SVIL: variants seen among roughly 807,000 people sequenced by gnomAD.
SVIL encodes archvillin.
SVIL carries 101 observed loss-of-function variants against 240.4 expected under a neutral mutation model. The observed-to-expected ratio is 0.42, with a 90% CI of 0.36 to 0.50. SVIL has a LOEUF of 0.50. SVIL is among the 20% of genes least tolerant of loss of function. The pLI, the probability that SVIL is intolerant of heterozygous loss-of-function variation, is 0.01. For missense variants in SVIL, 2,512 were observed against 2,818.7 expected (o/e 0.89, Z 2.46); for synonymous variants, 999 against 1,100.0 (o/e 0.91, Z 1.82).
At chr10:29,504,595 A>G (rs1949130288) in intron 17 of SVIL, among the ~76,000 whole-genome samples, 3 of 152,244 alleles carry the variant, frequency 2.0e-5, no homozygotes, top group East Asian at 1.9e-4. Context: ...AATATGCTCA[A>G]CATCATATCT....
chr10:29,593,901 AG>A (rs1956481878), intron 1 of SVIL, among the ~76,000 whole-genome samples: 1 of 152,070 alleles, frequency 6.6e-6, no homozygotes, highest in Admixed American at 6.6e-5. Context: ...TAAGCAGATC[AG>A]TGGTTCTCTG....
chr10:29,614,679 G>C (rs1179058886), intron 1 of SVIL, among the ~76,000 whole-genome samples: 1 of 152,164 alleles, frequency 6.6e-6, no homozygotes, highest in Non-Finnish European at 1.5e-5. Context: ...GGGCATAGGG[G>C]AGGGACAGCA....
chr10:29,701,947 A>G (rs900545155), intron 1 of SVIL, among the ~76,000 whole-genome samples: 4 of 152,168 alleles, frequency 2.6e-5, no homozygotes, highest in African/African-American at 7.2e-5. Context: ...GCCGAGGCAG[A>G]TGGATCACCT....
intron 1 of SVIL, among the ~76,000 whole-genome samples, chr10:29,598,544 C>A (rs1956685321): frequency 6.6e-6 from 1 of 152,204 alleles, no homozygotes; most frequent in African/African-American, 2.4e-5. Flanking sequence ...GGATTGCTGC[C>A]TGTGCCCCTG....
intron 1 of SVIL, among the ~76,000 whole-genome samples, chr10:29,586,531 CTCTG>C (rs1956173214): frequency 6.6e-6 from 1 of 152,170 alleles, no homozygotes; most frequent in Non-Finnish European, 1.5e-5. Flanking sequence ...GCTCCTAAAA[CTCTG>C]CCATTTCCAT....
intron 6 of SVIL, among the ~76,000 whole-genome samples, chr10:29,549,744 C>T (rs563167327): frequency 1.4e-5 from 2 of 143,196 alleles, no homozygotes; most frequent in African/African-American, 5.2e-5. Flanking sequence ...AAGCTGGAAA[C>T]CATCATTCTC....
intron 34 of SVIL, among the ~76,000 whole-genome samples, chr10:29,464,213 G>A (rs1944616157): frequency 6.6e-6 from 1 of 152,130 alleles, no homozygotes; most frequent in Non-Finnish European, 1.5e-5. Context: ...GAGGAGGAAG[G>A]ACTGCTTGAG....
intron 22 of SVIL, 62 bp downstream of exon 22, chr10:29,490,785 A>T (rs1947883552): frequency 6.3e-7 from 1 of 1,594,640 alleles, no homozygotes; most frequent in Non-Finnish European, 8.6e-7. Flanking sequence ...CCAAGCAATG[A>T]GTAGAGCATC....
At chr10:29,500,719 A>G (rs2025853) in intron 17 of SVIL, among the ~76,000 whole-genome samples, 91,331 of 151,970 alleles carry the variant, frequency 0.6, 27,830 homozygotes, top group Admixed American at 0.67. Context: ...AGAAGTCTCC[A>G]TGGATCAATG....
chr10:29,511,462 G>T (rs1362213413), intron 17 of SVIL, among the ~76,000 whole-genome samples: 1 of 150,108 alleles, frequency 6.7e-6, no homozygotes, highest in Non-Finnish European at 1.5e-5. Context: ...ATAGTAGTTG[G>T]CAGGTTTGCT....
chr10:29,645,955 G>A (rs1275997660), intron 3 of SVIL, among the ~76,000 whole-genome samples: 1 of 152,154 alleles, frequency 6.6e-6, no homozygotes, highest in Admixed American at 6.5e-5. Context: ...AGTTCTTCCA[G>A]GTACTCCTAA....
At position 29,713,532 on chromosome 10, in the gene SVIL, A is replaced by AT. The variant is rs915948116; in HGVS notation, c.-400+22218dup. 2.3e-4 allele frequency among the ~76,000 whole-genome samples: 34 copies of AT among 150,812 alleles called. No homozygotes were observed. In the East Asian group the frequency reaches 3.7e-3, roughly 16 times the overall value. ...TAATCCTGTGTGTAGGAGTCAGCAA[A>AT]TTTTTTTTTTCTGTAAATAACCAGA... On this transcript the variant is annotated intron_variant, in intron 1 of 35. Transcript: ENST00000375400.
At chr10:29,568,266 A>G (rs1413432778) in intron 2 of SVIL, among the ~76,000 whole-genome samples, 1 of 151,812 alleles carries the variant, frequency 6.6e-6, no homozygotes, top group African/African-American at 2.4e-5. Context: ...GAGGAAATAC[A>G]CCAAGGATTT....
chr10:29,722,993 C>G (rs1348975942), intron 1 of SVIL, among the ~76,000 whole-genome samples: 2 of 152,218 alleles, frequency 1.3e-5, no homozygotes, highest in East Asian at 3.8e-4. Flanking sequence ...GTAATACTAC[C>G]TACTTCACGT....
chr10:29,629,304 C>T (rs913485742), intron 1 of SVIL, among the ~76,000 whole-genome samples: 1 of 152,086 alleles, frequency 6.6e-6, no homozygotes, highest in African/African-American at 2.4e-5. Flanking sequence ...TCCTCGGAAG[C>T]CCCCTTCGAG....
intron 6 of SVIL, among the ~76,000 whole-genome samples, chr10:29,547,613 T>C (rs2132631208): frequency 6.6e-6 from 1 of 152,344 alleles, no homozygotes; most frequent in East Asian, 1.9e-4. Context: ...ACAAGTTATA[T>C]ACATTTTTTT....
At chr10:29,697,540 T>C (rs255388) in intron 1 of SVIL, among the ~76,000 whole-genome samples, 17,979 of 95,132 alleles carry the variant, frequency 0.19, 2,585 homozygotes, top group East Asian at 0.27. Context: ...CTCTCTGAAA[T>C]ATGTGCTGTG....
At chr10:29,488,888 CAA>C (rs1347206565) in intron 22 of SVIL, 132 bp from the exon 23 acceptor site, 46 of 1,025,404 alleles carry the variant, frequency 4.5e-5, no homozygotes, top group Non-Finnish European at 6.0e-5. Context: ...AAAACATACT[CAA>C]GTTTGATTAA....
rs528867056 is a variant in SVIL, at chr10:29,502,670, CAT to C, written c.3517-3409_3517-3408del. On this transcript the variant is annotated intron_variant, in intron 17 of 37. Coordinates refer to ENST00000355867, the MANE Select transcript of SVIL (RefSeq NM_021738.3). ...TTGAGTATTTGTGTATGTGTATGCA[CAT>C]GTGTGTGTGTGTGTGGGTGGGTGGG... Among the ~76,000 whole-genome samples, 1,119 of 151,474 alleles carry C rather than the reference CAT, an allele frequency of 7.4e-3. 11 individuals carry two copies. The highest frequency in any genetic ancestry group is 0.024 in the African/African-American group (992 of 41,072).
Sources: gnomAD v4.1 joint callset for allele counts (sites outside exome capture counted in the v4.1 genomes callset) on GRCh38, gnomAD v4.1.1 for gene constraint, MANE v1.5 for transcripts, NCBI Gene and HGNC (gene_info 2026-07-23, HGNC 2026-07-21) for gene names.